GPC6: variants seen among roughly 807,000 people sequenced by gnomAD.
GPC6 encodes the protein glypican 6.
A neutral mutation model predicts 55.2 loss-of-function variants in GPC6; 14 were observed. The observed-to-expected ratio is 0.25, with a 90% CI of 0.17 to 0.40. The LOEUF is 0.40. GPC6 is among the 10% of genes least tolerant of loss of function. GPC6 has a pLI of 1.00. For missense variants in GPC6, 641 were observed against 708.5 expected, an observed-to-expected ratio of 0.90 and a Z score of 1.08; for synonymous variants, 278 against 259.6, an observed-to-expected ratio of 1.07 and a Z score of -0.68.
At chr13:93,746,073 C>A (rs1485756759) in intron 2 of GPC6, among the ~76,000 whole-genome samples, 1 of 152,164 alleles carries the variant, frequency 6.6e-6, no homozygotes, top group Non-Finnish European at 1.5e-5. Context: ...GATTCAGAAC[C>A]ACATACCGCT....
chr13:94,177,834 G>A (rs1888838226), intron 4 of GPC6, among the ~76,000 whole-genome samples: 1 of 151,952 alleles, frequency 6.6e-6, no homozygotes, highest in Admixed American at 6.6e-5. Context: ...TAAACCACAT[G>A]ACCAAGTATA....
At chr13:93,596,117 C>A (rs939713157) in intron 2 of GPC6, among the ~76,000 whole-genome samples, 1 of 152,008 alleles carries the variant, frequency 6.6e-6, no homozygotes, top group African/African-American at 2.4e-5. Flanking sequence ...AATCTTTGCC[C>A]AATTCTCTCC....
chr13:93,324,182 TAAGCCAGGCACAG>T (rs1182598553), intron 1 of GPC6, among the ~76,000 whole-genome samples: 1 of 152,098 alleles, frequency 6.6e-6, no homozygotes, highest in Non-Finnish European at 1.5e-5. Flanking sequence ...TTGAGTGAAA[TAAGCCAGGCACAG>T]AAAGATAAAC....
intron 3 of GPC6, among the ~76,000 whole-genome samples, chr13:93,978,689 C>G (rs905099693): frequency 4.6e-5 from 7 of 151,998 alleles, no homozygotes; most frequent in Admixed American, 4.6e-4. Context: ...TTTCATGATT[C>G]TAGTCTACAA....
intron 6 of GPC6, among the ~76,000 whole-genome samples, chr13:94,337,487 A>G (rs1877775514): frequency 1.3e-5 from 2 of 149,368 alleles, no homozygotes; most frequent in South Asian, 4.2e-4. Flanking sequence ...TCCCTCTTTC[A>G]CCCAGGCTGG....
rs143894666 is a variant in GPC6, at chr13:93,771,453, C to G, written c.320-58701C>G. Among the ~76,000 whole-genome samples the G allele has an allele frequency of 1.0e-3, 155 of 152,154 alleles. 1 individual carries two copies. Among genetic ancestry groups the G allele is most frequent in the Non-Finnish European group, 1.6e-3 (111 of 67,978 alleles). ...CGCATCTCATTTGTCTCACACGTGT[C>G]GGGGAGTGCACTCTGCAGGTTAGCT... is the stretch of plus-strand genomic sequence containing the variant. On this transcript the variant is annotated intron_variant, in intron 2 of 8. Transcript: ENST00000377047.
intron 7 of GPC6, among the ~76,000 whole-genome samples, chr13:94,396,756 A>G (rs1880914230): frequency 6.6e-6 from 1 of 152,204 alleles, no homozygotes. Flanking sequence ...AGTATGAGAA[A>G]TTAGAAGTGG....
At chr13:94,164,794 T>C (rs1888293698) in intron 4 of GPC6, among the ~76,000 whole-genome samples, 1 of 152,130 alleles carries the variant, frequency 6.6e-6, no homozygotes, top group African/African-American at 2.4e-5. Flanking sequence ...TGAAAATAAA[T>C]TGATTTTTTT....
chr13:93,724,285 A>G (rs984937119), intron 2 of GPC6, among the ~76,000 whole-genome samples: 1 of 151,846 alleles, frequency 6.6e-6, no homozygotes, highest in African/African-American at 2.4e-5. Flanking sequence ...GTTTGTTACT[A>G]ATGTTCTTCT....
At chr13:93,967,404 T>C (rs1880097044) in intron 3 of GPC6, among the ~76,000 whole-genome samples, 2 of 152,348 alleles carry the variant, frequency 1.3e-5, no homozygotes, top group East Asian at 1.9e-4. Context: ...AAAACTGTAC[T>C]GTTTCCCAGC....
intron 1 of GPC6, among the ~76,000 whole-genome samples, chr13:93,357,953 G>T (rs150922249): frequency 9.5e-4 from 145 of 152,328 alleles, no homozygotes; most frequent in African/African-American, 3.3e-3. Context: ...ACCAGGAAGT[G>T]ACTGCTTACG....
chr13:93,542,488 G>A (rs1882354832), intron 1 of GPC6, among the ~76,000 whole-genome samples: 1 of 152,304 alleles, frequency 6.6e-6, no homozygotes, highest in African/African-American at 2.4e-5. Flanking sequence ...TTTGGCTTAT[G>A]ATTGACTTGG....
intron 2 of GPC6, among the ~76,000 whole-genome samples, chr13:93,732,645 A>C (rs183391120): frequency 6.6e-6 from 1 of 152,164 alleles, no homozygotes; most frequent in Admixed American, 6.5e-5. Flanking sequence ...GGGTTTCTGA[A>C]ACAAATTCAA....
chr13:93,463,381 G>A (rs557331042), intron 1 of GPC6, among the ~76,000 whole-genome samples: 35 of 152,316 alleles, frequency 2.3e-4, no homozygotes, highest in South Asian at 6.2e-4. Context: ...CCAGGTGGAC[G>A]TGACTTATAT....
chr13:93,329,993 A>G (rs1006119701), intron 1 of GPC6, among the ~76,000 whole-genome samples: 4 of 152,228 alleles, frequency 2.6e-5, no homozygotes, highest in African/African-American at 9.6e-5. Flanking sequence ...TGGACGTTTT[A>G]CAAGTCTTAG....
At position 93,427,115 on chromosome 13, in the gene GPC6, T is replaced by C. The variant is rs201517839; in HGVS notation, c.161-118148T>C. Among the ~76,000 whole-genome samples the C allele has an allele frequency of 6.6e-5, 10 of 151,036 alleles. No homozygotes were observed. The East Asian group carries it at 1.9e-3, about 29-fold the overall frequency. ...TTTTTTTCTTGTAAATTTGTTTGAG[T>C]TCATTGTAGATTCTGGATATTAGCC... is the stretch of plus-strand genomic sequence containing the variant. On this transcript the variant is annotated intron_variant, in intron 1 of 8. Coordinates refer to ENST00000377047, the MANE Select transcript of GPC6 (RefSeq NM_005708.5).
intron 4 of GPC6, among the ~76,000 whole-genome samples, chr13:94,086,744 A>G (rs904364751): frequency 6.6e-6 from 1 of 152,218 alleles, no homozygotes; most frequent in African/African-American, 2.4e-5. Context: ...ATTGTATAAA[A>G]TGTAAAAACA....
At chr13:93,428,301 T>C (rs1310143761) in intron 1 of GPC6, among the ~76,000 whole-genome samples, 2 of 152,186 alleles carry the variant, frequency 1.3e-5, no homozygotes, top group African/African-American at 4.8e-5. Context: ...AAGATGGTCT[T>C]GCTTGTTTCA....
At chr13:94,253,676 T>C (rs1037087176) in intron 4 of GPC6, among the ~76,000 whole-genome samples, 3 of 152,090 alleles carry the variant, frequency 2.0e-5, no homozygotes, top group Admixed American at 6.6e-5. Context: ...TGGAGAGTCA[T>C]GGTAGTCTTA....
Sources: allele counts gnomAD v4.1 joint callset (sites outside exome capture counted in the v4.1 genomes callset), GRCh38; gene constraint gnomAD v4.1.1; transcripts MANE v1.5; gene names NCBI Gene and HGNC (gene_info 2026-07-23, HGNC 2026-07-21).